Variants in HSD17B11 observed in about 807,000 individuals in gnomAD.
HSD17B11 encodes estradiol 17-beta-dehydrogenase 11.
HSD17B11 carries 22 observed loss-of-function variants against 27.8 expected under a neutral mutation model. The observed-to-expected ratio is 0.79, with a 90% CI of 0.56 to 1.13. The LOEUF is 1.13. HSD17B11 is among the 50% of genes most tolerant of loss of function. The pLI, the probability that HSD17B11 is intolerant of heterozygous loss-of-function variation, is 0.00. For synonymous variants in HSD17B11, 117 were observed against 132.8 expected (o/e 0.88, Z 0.82); for missense variants, 314 against 351.1 (o/e 0.89, Z 0.84).
Position 87,382,360 on chromosome 4 carries a change from A to G in HSD17B11, c.213T>C (p.His71=), listed in dbSNP as rs776921127. 1.2e-6 allele frequency: 2 copies of G among 1,612,024 alleles called. No homozygotes were observed. Among genetic ancestry groups the G allele is most frequent in the African/African-American group, 2.7e-5 (2 of 74,892 alleles). ...SKLVLWDINK[H]GLEETAAKCK... is the part of the protein sequence containing the mutation. The stretch of plus-strand genomic sequence containing the variant: ...ATTTGGCAGCTGTTTCCTCCAGTCC[A>G]TGCTAGAAAAAGCAAAAAAGAGGGC... The change falls in exon 2 of 7, where the codon CAT becomes CAC. Residue 71 remains histidine, a splice_region_variant and synonymous_variant. Coordinates refer to ENST00000358290, the MANE Select transcript of HSD17B11 (RefSeq NM_016245.5).
intron 4 of HSD17B11, among the ~76,000 whole-genome samples, chr4:87,368,614 G>T (rs1290112262): frequency 6.6e-6 from 1 of 152,174 alleles, no homozygotes; most frequent in Non-Finnish European, 1.5e-5. Context: ...AAACCTACCG[G>T]ACTGCATTCC....
intron 1 of HSD17B11, among the ~76,000 whole-genome samples, chr4:87,384,926 A>G (rs1272978349): frequency 1.3e-5 from 2 of 152,064 alleles, no homozygotes; most frequent in African/African-American, 2.4e-5. Context: ...CAGGGGCATC[A>G]TGATACGTGA....
At chr4:87,390,629 TG>T (rs1720433472) in intron 1 of HSD17B11, among the ~76,000 whole-genome samples, 1 of 152,072 alleles carries the variant, frequency 6.6e-6, no homozygotes. Context: ...AGGGCAAAAA[TG>T]GGGATCAATT....
chr4:87,339,371 T>C (rs1388025360), intron 6 of HSD17B11, among the ~76,000 whole-genome samples: 3 of 152,276 alleles, frequency 2.0e-5, no homozygotes, highest in African/African-American at 7.2e-5. Flanking sequence ...TTTTTGCTCT[T>C]CGCATCAGTA....
intron 4 of HSD17B11, among the ~76,000 whole-genome samples, chr4:87,359,454 T>G (rs1314972663): frequency 6.6e-6 from 1 of 152,196 alleles, no homozygotes. Flanking sequence ...TAGGAACTTC[T>G]GTGCTCAAGC....
chr4:87,364,164 T>C (rs1371385974), intron 4 of HSD17B11, among the ~76,000 whole-genome samples: 1 of 151,842 alleles, frequency 6.6e-6, no homozygotes. Context: ...TTTTGTTTTG[T>C]TTTGTCTTGT....
intron 4 of HSD17B11, among the ~76,000 whole-genome samples, chr4:87,366,940 C>T (rs1185277831): frequency 6.6e-6 from 1 of 152,066 alleles, no homozygotes; most frequent in Non-Finnish European, 1.5e-5. Flanking sequence ...TTTTTTTTAA[C>T]TTTGCTTAAA....
At chr4:87,344,195 C>T (rs556182019) in intron 5 of HSD17B11, among the ~76,000 whole-genome samples, 115 of 152,214 alleles carry the variant, frequency 7.6e-4, no homozygotes, top group African/African-American at 2.7e-3. Flanking sequence ...TGGTACTAGT[C>T]AATAAAACTA....
chr4:87,340,798 T>C (rs906589333), intron 5 of HSD17B11, among the ~76,000 whole-genome samples, 192 bp from the exon 6 acceptor site: 2 of 152,224 alleles, frequency 1.3e-5, no homozygotes, highest in Non-Finnish European at 1.5e-5. Flanking sequence ...ATTCACTTAG[T>C]GCTTATCGTG....
At chr4:87,390,125 G>A (rs890058655) in intron 1 of HSD17B11, among the ~76,000 whole-genome samples, 1 of 152,028 alleles carries the variant, frequency 6.6e-6, no homozygotes, top group Admixed American at 6.5e-5. Context: ...AATAACTATG[G>A]CAATGTAGCA....
At position 87,360,247 on chromosome 4, in the gene HSD17B11, CACTT is replaced by C. The variant is rs1293251577; in HGVS notation, c.558-2835_558-2832del. On this transcript the variant is annotated intron_variant, in intron 4 of 6. Transcript: ENST00000358290. ...AAACTTTCAAAAAAGTGACAAAAAA[CACTT>C]TCTTTCCACAGCTTTCTATTTTCCA... 2.0e-5 allele frequency among the ~76,000 whole-genome samples: 3 copies of C among 152,130 alleles called. No individual in the cohort carries two copies. The East Asian group carries it at 5.8e-4, about 29-fold the overall frequency.
At chr4:87,382,175 T>C (rs1221431056) in intron 2 of HSD17B11, 80 bp downstream of exon 2, 7 of 983,820 alleles carry the variant, frequency 7.1e-6, no homozygotes, top group African/African-American at 6.4e-5. Context: ...ACTTCATCTA[T>C]ATCATGTACA....
intron 4 of HSD17B11, among the ~76,000 whole-genome samples, chr4:87,357,658 A>T (rs1226994979): frequency 6.6e-6 from 1 of 152,228 alleles, no homozygotes; most frequent in Non-Finnish European, 1.5e-5. Flanking sequence ...ACGGAATAAG[A>T]ACATTTCCTT....
Position 87,371,048 on chromosome 4 carries a change from G to A in HSD17B11, c.557+1661C>T, listed in dbSNP as rs185980846. Among the ~76,000 whole-genome samples, 993 of 106,198 alleles carry A rather than the reference G, an allele frequency of 9.4e-3. 25 individuals carry two copies. Among genetic ancestry groups the A allele is most frequent in the African/African-American group, 0.048 (968 of 20,040 alleles). 69.7% of individuals were successfully genotyped at this position (106,198 alleles called of 152,430 possible). ...ATTACAGGCGTGAGCCACCGCGCCC[G>A]GCCTATTATTATTAACCTATTTTAC... On this transcript the variant is annotated intron_variant, in intron 4 of 6. Transcript: ENST00000358290.
At chr4:87,379,754 A>C (rs1226543810) in intron 2 of HSD17B11, among the ~76,000 whole-genome samples, 2 of 137,648 alleles carry the variant, frequency 1.5e-5, no homozygotes, top group Non-Finnish European at 3.1e-5. Context: ...CTATAGTATA[A>C]TATAGTATAA....
intron 2 of HSD17B11, among the ~76,000 whole-genome samples, chr4:87,380,863 CA>C (rs561938045): frequency 0.024 from 1,783 of 74,342 alleles, 4 homozygotes; most frequent in East Asian, 0.13. Context: ...GACTCTATCT[CA>C]AAAAAAAAAA....
In HSD17B11 at chr4:87,368,796, C is replaced by T. The variant is rs187750355; in HGVS notation, c.557+3913G>A. On this transcript the variant is annotated intron_variant, in intron 4 of 6. Transcript: ENST00000358290. Reference sequence around the variant, plus strand: ...TCTGGTCGTCCTCACTGCTACACTCCCACCAGCGCATGACAGTTTACAAAT... The same window carrying T: ...TCTGGTCGTCCTCACTGCTACACTCTCACCAGCGCATGACAGTTTACAAAT... Among the ~76,000 whole-genome samples the T allele has an allele frequency of 9.5e-4, 145 of 152,310 alleles. 3 individuals carry two copies. The highest frequency in any genetic ancestry group is 7.7e-3 in the Admixed American group (118 of 15,302).
chr4:87,372,086 CA>C (rs1246426632), intron 4 of HSD17B11, among the ~76,000 whole-genome samples: 2 of 151,658 alleles, frequency 1.3e-5, no homozygotes, highest in African/African-American at 2.4e-5. Flanking sequence ...ACTAAAAATA[CA>C]AAAAAAGTAG....
At chr4:87,357,590 G>C (rs1735410860) in intron 4 of HSD17B11, among the ~76,000 whole-genome samples, 174 bp from the exon 5 acceptor site, 1 of 152,174 alleles carries the variant, frequency 6.6e-6, no homozygotes, top group African/African-American at 2.4e-5. Flanking sequence ...AAATCTGTAG[G>C]CACATTAAGG....
Sources: gnomAD v4.1 joint callset for allele counts (sites outside exome capture counted in the v4.1 genomes callset) on GRCh38, gnomAD v4.1.1 for gene constraint, MANE v1.5 for transcripts, NCBI Gene and HGNC (gene_info 2026-07-23, HGNC 2026-07-21) for gene names.